AKT3: variants seen among roughly 807,000 people sequenced by gnomAD.
AKT3 encodes the protein AKT serine/threonine kinase 3, also known as RAC-gamma serine/threonine-protein kinase.
In AKT3, 15 loss-of-function variants were observed where a neutral mutation model predicts 65.3. That is an observed-to-expected ratio of 0.23 (90% confidence interval 0.15 to 0.35). AKT3 has a LOEUF of 0.35. AKT3 is among the 10% of genes least tolerant of loss of function. AKT3 has a pLI of 1.00. For synonymous variants in AKT3, 206 were observed against 183.8 expected (o/e 1.12, Z -0.98); for missense variants, 243 against 576.5 (o/e 0.42, Z 5.92).
chr1:243,667,028 G>A (rs1011277952), intron 3 of AKT3, among the ~76,000 whole-genome samples: 1 of 152,116 alleles, frequency 6.6e-6, no homozygotes, highest in Non-Finnish European at 1.5e-5. Flanking sequence ...TCACTAGGGA[G>A]TATCACACAG....
At chr1:243,671,967 CT>C (rs1683183406) in intron 3 of AKT3, among the ~76,000 whole-genome samples, 1 of 152,320 alleles carries the variant, frequency 6.6e-6, no homozygotes, top group East Asian at 1.9e-4. Context: ...ATAGGAATGT[CT>C]GTTCCCTCTT....
At chr1:243,655,059 A>G (rs2147880099) in intron 4 of AKT3, among the ~76,000 whole-genome samples, 1 of 152,244 alleles carries the variant, frequency 6.6e-6, no homozygotes, top group Non-Finnish European at 1.5e-5. Context: ...CCAGTTATAT[A>G]TATGTAAGAC....
rs143952237 is a variant in AKT3 at position 243,490,170 on chromosome 1, G to C, written c.*7-1720C>G. ...GACCCTGTGCTCAAGGAACCTGTAA[G>C]TACTGACTTTTCCCACTCGGTCCAA... is the stretch of plus-strand genomic sequence containing the variant. On this transcript the variant is annotated intron_variant, in intron 13 of 13. Coordinates refer to the AKT3 transcript ENST00000336199. Among the ~76,000 whole-genome samples, 342 of 152,360 alleles carry C rather than the reference G, an allele frequency of 2.2e-3. 1 individual carries two copies. Among genetic ancestry groups the C allele is most frequent in the African/African-American group, 8.0e-3 (333 of 41,584 alleles).
chr1:243,677,626 TA>T (rs779647809), intron 3 of AKT3, among the ~76,000 whole-genome samples: 411 of 152,252 alleles, frequency 2.7e-3, no homozygotes, highest in Admixed American at 7.4e-3. Context: ...ATACTTGAGA[TA>T]TTTTTTTTTC....
chr1:243,807,760 T>C (rs535558285), intron 2 of AKT3, among the ~76,000 whole-genome samples: 3 of 152,122 alleles, frequency 2.0e-5, no homozygotes, highest in South Asian at 2.1e-4. Flanking sequence ...GACCCCCGAG[T>C]AGCCTAACTG....
At chr1:243,584,868 T>C (rs768122515) in intron 8 of AKT3, among the ~76,000 whole-genome samples, 2 of 152,116 alleles carry the variant, frequency 1.3e-5, no homozygotes, top group Non-Finnish European at 2.9e-5. Context: ...TCACCACTCC[T>C]AGTCAATATA....
At chr1:243,726,322 A>T (rs1687208135) in intron 2 of AKT3, among the ~76,000 whole-genome samples, 1 of 152,208 alleles carries the variant, frequency 6.6e-6, no homozygotes, top group Admixed American at 6.5e-5. Context: ...TGGAAAAATT[A>T]TCTGGATGAA....
chr1:243,589,401 T>C (rs982523161), intron 8 of AKT3, among the ~76,000 whole-genome samples: 1 of 147,276 alleles, frequency 6.8e-6, no homozygotes, highest in Non-Finnish European at 1.5e-5. Context: ...AAAGAAAATA[T>C]ACACGTGGCC....
intron 2 of AKT3, among the ~76,000 whole-genome samples, chr1:243,827,137 T>C (rs1255149084): frequency 5.9e-5 from 9 of 152,228 alleles, no homozygotes; most frequent in Non-Finnish European, 1.3e-4. Flanking sequence ...TATAAAACTA[T>C]GCTTTTATCT....
rs540763579 is a variant in AKT3 at position 243,839,703 on chromosome 1, C to T, written c.46+3422G>A. Among the ~76,000 whole-genome samples the T allele has an allele frequency of 3.8e-4, 57 of 150,820 alleles. 1 individual carries two copies. Among genetic ancestry groups the T allele is most frequent in the African/African-American group, 1.3e-3 (53 of 41,366 alleles). ...AAGATATTTACTGAAAAGCAACTTA[C>T]TCACATTAAAAGTACAAATCAGATT... On this transcript the variant is annotated intron_variant, in intron 2 of 13. Transcript: ENST00000673466.
chr1:243,582,447 CAAAAAAAAA>C (rs59718769), intron 8 of AKT3, among the ~76,000 whole-genome samples: 17 of 101,524 alleles, frequency 1.7e-4, no homozygotes, highest in African/African-American at 4.1e-4. Flanking sequence ...TTAGCTTTCT[CAAAAAAAAA>C]AAAAAAAAAA....
intron 10 of AKT3, among the ~76,000 whole-genome samples, chr1:243,563,487 A>T (rs1673936314): frequency 6.6e-6 from 1 of 152,216 alleles, no homozygotes; most frequent in African/African-American, 2.4e-5. Flanking sequence ...ATAAAAATTG[A>T]TTTAACTGAC....
chr1:243,693,739 A>G (rs950378831), intron 3 of AKT3, among the ~76,000 whole-genome samples: 37 of 152,250 alleles, frequency 2.4e-4, no homozygotes, highest in African/African-American at 6.7e-4. Context: ...TTCTTTCCTC[A>G]CATAACTGTT....
intron 2 of AKT3, among the ~76,000 whole-genome samples, chr1:243,817,310 G>A (rs1029847882): frequency 6.6e-6 from 1 of 152,164 alleles, no homozygotes; most frequent in Admixed American, 6.5e-5. Flanking sequence ...CATTGGGGTA[G>A]TCCATTACAC....
At chr1:243,589,797 C>G (rs1342484915) in intron 8 of AKT3, among the ~76,000 whole-genome samples, 1 of 152,082 alleles carries the variant, frequency 6.6e-6, no homozygotes, top group East Asian at 1.9e-4. Context: ...TATCTCTATT[C>G]CAAGAATGGA....
chr1:243,584,800 C>T (rs1230019696), intron 8 of AKT3, among the ~76,000 whole-genome samples: 2 of 152,014 alleles, frequency 1.3e-5, no homozygotes, highest in Non-Finnish European at 2.9e-5. Flanking sequence ...TCATACTGAA[C>T]AGGCAAAAAC....
chr1:243,772,181 T>G (rs1486016315), intron 2 of AKT3, among the ~76,000 whole-genome samples: 1 of 151,878 alleles, frequency 6.6e-6, no homozygotes, highest in African/African-American at 2.4e-5. Context: ...AAGCCAAAAT[T>G]GACAAATGGG....
chr1:243,818,918 G>A (rs1693692294), intron 2 of AKT3, among the ~76,000 whole-genome samples: 1 of 152,232 alleles, frequency 6.6e-6, no homozygotes, highest in Middle Eastern at 3.2e-3. Context: ...AGCCACAATG[G>A]AGAAAGGGGA....
intron 2 of AKT3, among the ~76,000 whole-genome samples, chr1:243,705,368 C>A (rs544916616): frequency 6.6e-6 from 1 of 152,232 alleles, no homozygotes; most frequent in Admixed American, 6.5e-5. Context: ...TTTGTTAGTA[C>A]TTTTATCTGC....
Sources: gnomAD v4.1 joint callset for allele counts (sites outside exome capture counted in the v4.1 genomes callset) on GRCh38, gnomAD v4.1.1 for gene constraint, MANE v1.5 for transcripts, NCBI Gene and HGNC (gene_info 2026-07-23, HGNC 2026-07-21) for gene names.